DHX57: variants seen among roughly 807,000 people sequenced by gnomAD.
The protein encoded by DHX57 is putative ATP-dependent RNA helicase DHX57.
A neutral mutation model predicts 156.2 loss-of-function variants in DHX57; 105 were observed. The ratio of observed to expected loss-of-function variants is 0.67; its 90% confidence interval spans 0.57 to 0.79. DHX57 has a LOEUF of 0.79. Ranked by LOEUF, DHX57 falls within the 30% of genes least tolerant of loss-of-function variation. The pLI, the probability that DHX57 is intolerant of heterozygous loss-of-function variation, is 0.00. For synonymous variants in DHX57, 704 were observed against 595.6 expected, an observed-to-expected ratio of 1.18 and a Z score of -2.65; for missense variants, 1,847 against 1,661.9, an observed-to-expected ratio of 1.11 and a Z score of -1.94.
intron 5 of DHX57, 130 bp downstream of exon 5, chr2:38,860,869 G>A: frequency 2.7e-6 from 2 of 749,202 alleles, no homozygotes; most frequent in Admixed American, 4.7e-5. Context: ...ATTCCCTTTT[G>A]CCCTTGGGAC....
At chr2:38,800,963 A>C (rs1208331871) in intron 23 of DHX57, among the ~76,000 whole-genome samples, 3 of 152,204 alleles carry the variant, frequency 2.0e-5, no homozygotes, top group Non-Finnish European at 4.4e-5. Context: ...TATCTTAATA[A>C]TTTTATATTG....
At chr2:38,834,273 G>C (rs1572660153) in intron 13 of DHX57, among the ~76,000 whole-genome samples, 1 of 149,586 alleles carries the variant, frequency 6.7e-6, no homozygotes, top group Non-Finnish European at 1.5e-5. Context: ...GGAGGTTGCG[G>C]TGAGCCGAGA....
intron 19 of DHX57, chr2:38,816,070 T>C (rs984967127): frequency 6.5e-6 from 3 of 463,654 alleles, no homozygotes; most frequent in Non-Finnish European, 8.9e-6. Flanking sequence ...CTTGCATTTT[T>C]GCTCCTGTCC....
At chr2:38,868,970 A>T (rs1187970012) in intron 1 of DHX57, among the ~76,000 whole-genome samples, 2 of 151,830 alleles carry the variant, frequency 1.3e-5, no homozygotes, top group African/African-American at 2.4e-5. Flanking sequence ...CCCAGCTAAT[A>T]TTTGTATTTT....
In DHX57 at chr2:38,823,210, A is replaced by C; in HGVS notation, c.3074T>G (p.Ile1025Ser). The C allele has an allele frequency of 6.2e-7, 1 of 1,614,184 alleles. No individual in the cohort carries two copies. Among genetic ancestry groups the C allele is most frequent in the East Asian group, 2.2e-5 (1 of 44,884 alleles). The change falls in exon 17 of 24, where the codon ATT becomes AGT. Residue 1025 changes from isoleucine (I) to serine (S), a missense_variant. Ile to Ser is a moderately radical substitution (Grantham distance 142). Coordinates refer to ENST00000457308, the MANE Select transcript of DHX57 (RefSeq NM_198963.3). ...AAGAGAATCGGTGTGTGGAGGTTCA[A>C]TGAGCCGAGAGAACACAGACTGGAG... is the stretch of plus-strand genomic sequence containing the variant. ...HNLQSVFSRL[I>S]EPPHTDSLRA...
At chr2:38,818,301 C>T (rs1428957922) in intron 19 of DHX57, among the ~76,000 whole-genome samples, 1 of 151,998 alleles carries the variant, frequency 6.6e-6, no homozygotes, top group Non-Finnish European at 1.5e-5. Context: ...CCAAGGTGGG[C>T]GGATCATGAG....
chr2:38,867,302 T>C (rs531412835), intron 2 of DHX57: 3 of 152,356 alleles, frequency 2.0e-5, no homozygotes, highest in African/African-American at 7.2e-5. Context: ...CACATCTCTG[T>C]CACTAAGTGA....
chr2:38,865,216 T>C lies in DHX57; in HGVS notation c.225-1697A>G, dbSNP rs146820796. 2.5e-3 allele frequency among the ~76,000 whole-genome samples: 379 copies of C among 152,336 alleles called. 1 individual carries two copies. The highest frequency in any genetic ancestry group is 0.01 in the Middle Eastern group (3 of 294). On this transcript the variant is annotated intron_variant, in intron 2 of 23. Coordinates refer to ENST00000457308, the MANE Select transcript of DHX57 (RefSeq NM_198963.3). ...GTTTGGCTGCAAGTCAAATCTCATC[T>C]TCAATTGAAGTTCCCATAATCCCCA...
chr2:38,862,423 G>A, intron 3 of DHX57, 90 bp from the exon 4 acceptor site: 4 of 1,242,440 alleles, frequency 3.2e-6, no homozygotes, highest in Non-Finnish European at 2.1e-6. Flanking sequence ...TTAATTCATA[G>A]GATCCTGACT....
Position 38,826,512 on chromosome 2 carries a change from A to G in DHX57, c.2813+4T>C, listed in dbSNP as rs764611577. The stretch of plus-strand genomic sequence containing the variant: ...CTCTCTTACATCACCACAAGACGGA[A>G]TACCTCTTTTCTTTCATTTTCCCAG... On this transcript the variant is annotated splice_donor_region_variant and intron_variant, in intron 15 of 23. Coordinates refer to ENST00000457308, the MANE Select transcript of DHX57 (RefSeq NM_198963.3). 11 of 1,613,330 alleles carry G rather than the reference A, an allele frequency of 6.8e-6. No homozygotes were observed. Among genetic ancestry groups the G allele is most frequent in the Non-Finnish European group, 9.3e-6 (11 of 1,179,426 alleles).
intron 6 of DHX57, among the ~76,000 whole-genome samples, chr2:38,858,218 C>A (rs755367482): frequency 6.6e-6 from 1 of 152,128 alleles, no homozygotes; most frequent in Admixed American, 6.5e-5. Context: ...CCTGCCACCA[C>A]GCCCGGCTAA....
rs765980358 is a variant in DHX57 at position 38,861,722 on chromosome 2, T to A, written c.688A>T (p.Met230Leu). The change falls in exon 5 of 24, where the codon ATG (methionine) becomes TTG (leucine). Residue 230 changes from methionine (M) to leucine (L), a missense_variant. Met to Leu is a conservative substitution (Grantham distance 15). Coordinates refer to ENST00000457308, the MANE Select transcript of DHX57 (RefSeq NM_198963.3). ...QCFSETFGER[M>L]KISEAVNQIS... ...TGGTTGACTGCCTCAGAGATCTTCATCCTCTCTCCAAATGTCTCTGAAAAA... is the reference window on the plus strand; with the variant it reads ...TGGTTGACTGCCTCAGAGATCTTCAACCTCTCTCCAAATGTCTCTGAAAAA... 2.5e-6 allele frequency: 4 copies of A among 1,614,162 alleles called. No individual in the cohort carries two copies. In the Admixed American group the frequency reaches 6.7e-5, roughly 27 times the overall value.
chr2:38,865,334 A>T (rs190684005), intron 2 of DHX57, among the ~76,000 whole-genome samples: 2 of 152,142 alleles, frequency 1.3e-5, no homozygotes, highest in East Asian at 3.9e-4. Context: ...TTCTCACGAG[A>T]TCTGATGGTT....
intron 12 of DHX57, chr2:38,838,707 AT>A: frequency 2.3e-6 from 1 of 442,060 alleles, no homozygotes; most frequent in Non-Finnish European, 4.5e-6. Context: ...TTTCACCAGC[AT>A]TTTTATAACA....
intron 9 of DHX57, among the ~76,000 whole-genome samples, chr2:38,849,460 C>T (rs974126043): frequency 1.3e-4 from 19 of 151,986 alleles, no homozygotes; most frequent in African/African-American, 4.6e-4. Flanking sequence ...ACTTGTAATC[C>T]TAGCAGTTTG....
chr2:38,815,263 C>T (rs1670466466), intron 20 of DHX57, among the ~76,000 whole-genome samples: 1 of 151,874 alleles, frequency 6.6e-6, no homozygotes, highest in African/African-American at 2.4e-5. Context: ...AGGGATTTCA[C>T]CATGTTGCTC....
intron 2 of DHX57, among the ~76,000 whole-genome samples, chr2:38,867,596 T>C (rs190393135): frequency 1.3e-3 from 199 of 152,332 alleles, no homozygotes; most frequent in Middle Eastern, 6.8e-3. Flanking sequence ...TCTCACTCTG[T>C]CACCCAGGCT....
At chr2:38,827,531 TATACAC>T (rs70954764) in intron 14 of DHX57, among the ~76,000 whole-genome samples, 13,552 of 43,444 alleles carry the variant, frequency 0.31, 2,632 homozygotes, top group East Asian at 0.5. Context: ...TATATATATA[TATACAC>T]ACATACATAT....
chr2:38,799,091 C>T (rs912172215), intron 23 of DHX57, among the ~76,000 whole-genome samples: 7 of 151,858 alleles, frequency 4.6e-5, no homozygotes, highest in African/African-American at 4.8e-5. Flanking sequence ...GGGCCGGGCC[C>T]GGTGGCTCAC....
Sources: gnomAD v4.1 joint callset for allele counts (sites outside exome capture counted in the v4.1 genomes callset) on GRCh38, gnomAD v4.1.1 for gene constraint, MANE v1.5 for transcripts, NCBI Gene and HGNC (gene_info 2026-07-23, HGNC 2026-07-21) for gene names.